The following KAT6B variants were observed in gnomAD, a reference collection of about 807,000 sequenced individuals.
KAT6B encodes lysine acetyltransferase 6B, also known as histone acetyltransferase KAT6B.
Under a neutral mutation model 187.5 loss-of-function variants are expected in KAT6B, and 10 were observed. The ratio of observed to expected loss-of-function variants is 0.05; its 90% CI spans 0.03 to 0.09. The LOEUF (loss-of-function observed/expected upper bound fraction) is 0.09, where lower values mean the gene tolerates loss of function less well. Ranked by LOEUF, KAT6B falls within the 10% of genes least tolerant of loss-of-function variation. KAT6B has a pLI of 1.00. For synonymous variants in KAT6B, 861 were observed against 926.8 expected (o/e 0.93, Z 1.29); for missense variants, 1,952 against 2,558.9 (o/e 0.76, Z 5.12).
chr10:74,910,342 G>A (rs185647011), intron 3 of KAT6B, among the ~76,000 whole-genome samples: 3 of 152,146 alleles, frequency 2.0e-5, no homozygotes, highest in East Asian at 3.9e-4. Flanking sequence ...AATAATAATG[G>A]CATGAAAAGA....
intron 9 of KAT6B, among the ~76,000 whole-genome samples, chr10:74,977,664 AAC>A (rs1300161309): frequency 5.3e-5 from 8 of 152,226 alleles, no homozygotes; most frequent in African/African-American, 1.9e-4. Flanking sequence ...CACAAAATAA[AAC>A]AGAGTAGCAT....
intron 2 of KAT6B, among the ~76,000 whole-genome samples, chr10:74,841,731 TA>T (rs553843353): frequency 6.6e-6 from 1 of 152,320 alleles, no homozygotes; most frequent in African/African-American, 2.4e-5. Flanking sequence ...GTTTAAACTA[TA>T]AAAAGAATTA....
chr10:74,897,296 G>A (rs1225188877), intron 3 of KAT6B, among the ~76,000 whole-genome samples: 2 of 152,124 alleles, frequency 1.3e-5, no homozygotes, highest in East Asian at 3.9e-4. Flanking sequence ...ATCCTGGCGT[G>A]CACCACCTCT....
At chr10:74,970,553 C>T (rs1229086009) in intron 6 of KAT6B, among the ~76,000 whole-genome samples, 3 of 152,070 alleles carry the variant, frequency 2.0e-5, no homozygotes, top group Non-Finnish European at 4.4e-5. Flanking sequence ...ATTTTGAACA[C>T]GAGCATCTGA....
At chr10:75,006,033 A>G (rs1339435012) in intron 13 of KAT6B, among the ~76,000 whole-genome samples, 1 of 152,246 alleles carries the variant, frequency 6.6e-6, no homozygotes, top group Non-Finnish European at 1.5e-5. Flanking sequence ...CAGTCTCCAC[A>G]ATAAATTTGC....
intron 3 of KAT6B, among the ~76,000 whole-genome samples, chr10:74,884,069 G>A (rs11001192): frequency 0.13 from 20,479 of 152,136 alleles, 2,120 homozygotes; most frequent in South Asian, 0.28. Flanking sequence ...AGCCTACTTA[G>A]ACAGTTCCTT....
chr10:75,026,739 C>G (rs1845877317), intron 17 of KAT6B, among the ~76,000 whole-genome samples: 1 of 151,892 alleles, frequency 6.6e-6, no homozygotes, highest in South Asian at 2.1e-4. Context: ...TGATTCCTTT[C>G]AGGATGTCCT....
At chr10:74,946,891 A>G (rs537420638) in intron 3 of KAT6B, among the ~76,000 whole-genome samples, 1 of 152,226 alleles carries the variant, frequency 6.6e-6, no homozygotes, top group Admixed American at 6.5e-5. Flanking sequence ...TAGTTGTACA[A>G]CAACGGGAAT....
At chr10:75,026,815 G>A (rs1309735444) in intron 17 of KAT6B, among the ~76,000 whole-genome samples, 3 of 152,016 alleles carry the variant, frequency 2.0e-5, no homozygotes, top group East Asian at 1.9e-4. Context: ...AACAAAAGCC[G>A]GTAGGTCCAG....
intron 3 of KAT6B, among the ~76,000 whole-genome samples, chr10:74,925,584 G>A (rs1351213117): frequency 1.3e-5 from 2 of 152,114 alleles, no homozygotes; most frequent in East Asian, 1.9e-4. Flanking sequence ...GAAAAACATA[G>A]GTTCTGTTGG....
intron 3 of KAT6B, among the ~76,000 whole-genome samples, chr10:74,853,819 G>A (rs959949534): frequency 1.3e-5 from 2 of 150,610 alleles, no homozygotes; most frequent in Non-Finnish European, 3.0e-5. Context: ...TAGTAGAGAC[G>A]GGGGTTTCAC....
intron 3 of KAT6B, among the ~76,000 whole-genome samples, chr10:74,931,405 CA>C (rs1445763311): frequency 6.6e-6 from 1 of 152,130 alleles, no homozygotes; most frequent in Non-Finnish European, 1.5e-5. Context: ...CTTCAAGACT[CA>C]CCTCCTTAGA....
At chr10:74,888,373 G>A (rs1399835595) in intron 3 of KAT6B, among the ~76,000 whole-genome samples, 1 of 152,120 alleles carries the variant, frequency 6.6e-6, no homozygotes, top group East Asian at 1.9e-4. Flanking sequence ...GATAAATACA[G>A]AGTATATAAA....
chr10:74,908,565 AAAG>A (rs1846961070), intron 3 of KAT6B, among the ~76,000 whole-genome samples: 1 of 151,696 alleles, frequency 6.6e-6, no homozygotes. Context: ...AAAAAAAAAA[AAAG>A]AAAGAGAAAT....
chr10:74,860,733 C>G (rs1442078112), intron 3 of KAT6B, among the ~76,000 whole-genome samples: 2 of 152,212 alleles, frequency 1.3e-5, no homozygotes, highest in African/African-American at 4.8e-5. Context: ...CATGGTGGCT[C>G]ACGCCTGTAA....
At position 74,957,478 on chromosome 10, in the gene KAT6B, T is replaced by C. The variant is rs931907151; in HGVS notation, c.622-2492T>C. The stretch of plus-strand genomic sequence containing the variant: ...GGCCATGAACTACTAGCAACCTTTG[T>C]CCTTTGTGTTACCTTTAGTTAAAAA... On this transcript the variant is annotated intron_variant, in intron 3 of 17. Coordinates refer to ENST00000287239, the MANE Select transcript of KAT6B (RefSeq NM_012330.4). 5.3e-5 allele frequency among the ~76,000 whole-genome samples: 8 copies of C among 152,242 alleles called. 1 individual carries two copies. The highest frequency in any genetic ancestry group is 1.7e-4 in the African/African-American group (7 of 41,462).
At chr10:75,028,210 A>G (rs1846020943) in intron 17 of KAT6B, among the ~76,000 whole-genome samples, 2 of 152,052 alleles carry the variant, frequency 1.3e-5, no homozygotes, top group Admixed American at 6.5e-5. Flanking sequence ...GGGCTTTTGC[A>G]TCAGAGAATG....
chr10:74,897,375 C>T (rs781374735), intron 3 of KAT6B, among the ~76,000 whole-genome samples: 2 of 152,280 alleles, frequency 1.3e-5, no homozygotes, highest in East Asian at 3.9e-4. Context: ...GATTGTGCAC[C>T]TAGAGTACCT....
At chr10:74,922,809 A>G (rs4746247) in intron 3 of KAT6B, among the ~76,000 whole-genome samples, 47,593 of 152,164 alleles carry the variant, frequency 0.31, 13,499 homozygotes, top group African/African-American at 0.75. Context: ...TGTAACCTCC[A>G]GTGGTGGTTC....
Sources: allele counts gnomAD v4.1 joint callset (sites outside exome capture counted in the v4.1 genomes callset), GRCh38; gene constraint gnomAD v4.1.1; transcripts MANE v1.5; gene names NCBI Gene and HGNC (gene_info 2026-07-23, HGNC 2026-07-21).